The following AOX1 variants were observed in gnomAD, a reference collection of about 807,000 sequenced individuals.
AOX1 encodes the protein aldehyde oxidase.
A neutral mutation model predicts 169.5 loss-of-function variants in AOX1; 153 were observed. The ratio of observed to expected loss-of-function variants is 0.90; its 90% confidence interval spans 0.79 to 1.03. The LOEUF (loss-of-function observed/expected upper bound fraction) is 1.03, where lower values mean the gene tolerates loss of function less well. AOX1 is among the 50% of genes least tolerant of loss of function. The pLI is 0.00. For synonymous variants in AOX1, 562 were observed against 581.9 expected, an observed-to-expected ratio of 0.97 and a Z score of 0.49; for missense variants, 1,656 against 1,663.9, an observed-to-expected ratio of 1.00 and a Z score of 0.08.
chr2:200,677,261 G>C (rs923170998), downstream of AOX1, among the ~76,000 whole-genome samples: 1 of 152,116 alleles, frequency 6.6e-6, no homozygotes, highest in Non-Finnish European at 1.5e-5. Context: ...GGGAGGTGGA[G>C]AAAGAGACAG....
intron 1 of AOX1, chr2:200,588,185 AC>A (rs2034077931): frequency 2.0e-5 from 3 of 152,616 alleles, no homozygotes; most frequent in African/African-American, 7.2e-5. Flanking sequence ...TTGAGCAGTG[AC>A]TGGGATGCAG....
At chr2:200,603,419 T>G in intron 7 of AOX1, 63 bp downstream of exon 7, 1 of 1,336,464 alleles carries the variant, frequency 7.5e-7, no homozygotes, top group Non-Finnish European at 1.1e-6. Context: ...CAACATACTC[T>G]TAGGAAGAAC....
chr2:200,679,500 A>G (rs541413635), downstream of AOX1: 3 of 152,334 alleles, frequency 2.0e-5, no homozygotes, highest in African/African-American at 7.2e-5. Flanking sequence ...ATGGTTTCAG[A>G]GGACACAGAT....
At chr2:200,588,695 T>C (rs943044584) in intron 1 of AOX1, among the ~76,000 whole-genome samples, 1 of 141,390 alleles carries the variant, frequency 7.1e-6, no homozygotes, top group African/African-American at 2.6e-5. Context: ...TAAACAAGCC[T>C]GATTACTTAC....
chr2:200,620,963 A>G, intron 17 of AOX1, 144 bp downstream of exon 17: 1 of 1,303,584 alleles, frequency 7.7e-7, no homozygotes, highest in South Asian at 1.5e-5. Context: ...ATCGAAATGT[A>G]GGATTTACTA....
chr2:200,609,712 T>C (rs896403002), intron 12 of AOX1, among the ~76,000 whole-genome samples: 5 of 152,222 alleles, frequency 3.3e-5, no homozygotes. Context: ...GGGAACTACA[T>C]ACTATTGAGA....
intron 15 of AOX1, among the ~76,000 whole-genome samples, chr2:200,615,287 A>T (rs1413857008): frequency 1.3e-5 from 2 of 152,218 alleles, no homozygotes; most frequent in African/African-American, 2.4e-5. Context: ...AATTACAGGC[A>T]TGAGCCATGA....
chr2:200,626,837 G>A (rs1986415), intron 19 of AOX1, among the ~76,000 whole-genome samples: 17,286 of 152,222 alleles, frequency 0.11, 1,459 homozygotes, highest in East Asian at 0.45. Context: ...AGCTCTTCAC[G>A]TCTTATTTCA....
At chr2:200,593,520 T>A (rs1438344738) in intron 2 of AOX1, among the ~76,000 whole-genome samples, 2 of 152,214 alleles carry the variant, frequency 1.3e-5, no homozygotes, top group Non-Finnish European at 2.9e-5. Context: ...CCTTAAGGAC[T>A]AATTATTATG....
intron 23 of AOX1, among the ~76,000 whole-genome samples, chr2:200,639,444 A>G (rs140097823): frequency 8.3e-4 from 127 of 152,322 alleles, no homozygotes; most frequent in South Asian, 1.4e-3. Context: ...ATGAAATACA[A>G]TAGGATTTGT....
chr2:200,661,465 G>A (rs1463663204), intron 29 of AOX1, 114 bp from the exon 30 acceptor site: 15 of 819,312 alleles, frequency 1.8e-5, no homozygotes, highest in Non-Finnish European at 2.7e-5. Context: ...GGTCCTTCCT[G>A]GTTACTATTG....
rs747268986 is a variant in AOX1, at chr2:200,620,797, T to G, written c.1852T>G (p.Ser618Ala). 6.2e-7 allele frequency: 1 copy of G among 1,602,960 alleles called. No individual in the cohort carries two copies. Among genetic ancestry groups the G allele is most frequent in the Non-Finnish European group, 8.5e-7 (1 of 1,177,204 alleles). The change falls in exon 17 of 35, where the codon TCA becomes GCA. Residue 618 changes from serine (S) to alanine (A), a missense_variant. Coordinates refer to ENST00000374700, the MANE Select transcript of AOX1 (RefSeq NM_001159.4). The stretch of plus-strand genomic sequence containing the variant: ...ACTTTTCTTGACTTTTGTGACTAGT[T>G]CAAGAGCTCATGCTAAGATTGTGTA... ...QELFLTFVTS[S>A]RAHAKIVSID...
chr2:200,611,557 T>C (rs2034642280), intron 13 of AOX1, 64 bp downstream of exon 13: 4 of 1,054,172 alleles, frequency 3.8e-6, no homozygotes, highest in Admixed American at 3.5e-5. Context: ...TTTATTCCAG[T>C]ATATGGTGGA....
intron 21 of AOX1, among the ~76,000 whole-genome samples, chr2:200,636,091 G>A (rs1000461581): frequency 1.4e-5 from 2 of 139,380 alleles, no homozygotes; most frequent in African/African-American, 5.3e-5. Flanking sequence ...ATCTTTAGCA[G>A]CAATCCAAGC....
intron 32 of AOX1, among the ~76,000 whole-genome samples, chr2:200,667,044 A>G (rs1371537455): frequency 6.6e-6 from 1 of 152,180 alleles, no homozygotes; most frequent in Non-Finnish European, 1.5e-5. Flanking sequence ...GGACATAAAT[A>G]GAGTTAGTGC....
In AOX1 at chr2:200,597,405, C is replaced by T. The variant is rs751235409; in HGVS notation, c.209C>T (p.Pro70Leu). The change falls in exon 4 of 35, where the codon CCA becomes CTA. Residue 70 changes from proline to leucine, a missense_variant. Physicochemically the swap from Pro to Leu is moderately conservative, Grantham distance 98. Transcript: ENST00000374700. ...TCTTTTGCATTCTGAAGGCATCACC[C>T]AGCCAATGCCTGTCTGATTCCCATC... Reference protein sequence around the residue: ...NPITKRIRHHPANACLIPICS... With the variant: ...NPITKRIRHHLANACLIPICS... 1 of 1,602,802 alleles carries T rather than the reference C, an allele frequency of 6.2e-7. No individual in the cohort carries two copies. Among genetic ancestry groups the T allele is most frequent in the Non-Finnish European group, 8.5e-7 (1 of 1,174,114 alleles).
chr2:200,607,516 G>A (rs2034540101), intron 10 of AOX1, among the ~76,000 whole-genome samples: 1 of 152,172 alleles, frequency 6.6e-6, no homozygotes, highest in Admixed American at 6.5e-5. Context: ...TACACTGTTG[G>A]TAGGGGTGTA....
At chr2:200,627,542 T>TA in intron 20 of AOX1, 93 bp downstream of exon 20, 1 of 866,242 alleles carries the variant, frequency 1.2e-6, no homozygotes, top group Non-Finnish European at 1.9e-6. Flanking sequence ...TCGGGCAGCC[T>TA]AGGGGGGTGT....
intron 5 of AOX1, among the ~76,000 whole-genome samples, chr2:200,600,174 C>T (rs1195948080): frequency 1.3e-5 from 2 of 152,170 alleles, no homozygotes; most frequent in African/African-American, 4.8e-5. Flanking sequence ...TTCAAACCAA[C>T]CCACACATTG....
Sources: gnomAD v4.1 joint callset for allele counts (sites outside exome capture counted in the v4.1 genomes callset) on GRCh38, gnomAD v4.1.1 for gene constraint, MANE v1.5 for transcripts, NCBI Gene and HGNC (gene_info 2026-07-23, HGNC 2026-07-21) for gene names.